PRR5: variants seen among roughly 807,000 people sequenced by gnomAD.
PRR5 encodes proline rich 5.
Under a neutral mutation model 30.6 loss-of-function variants are expected in PRR5, and 25 were observed. The ratio of observed to expected loss-of-function variants is 0.82; its 90% CI spans 0.60 to 1.14. The LOEUF (loss-of-function observed/expected upper bound fraction) is 1.14. PRR5 is among the 50% of genes most tolerant of loss of function. PRR5 has a pLI of 0.00. For missense variants in PRR5, 600 were observed against 547.1 expected, an observed-to-expected ratio of 1.10 and a Z score of -0.96; for synonymous variants, 286 against 247.1, an observed-to-expected ratio of 1.16 and a Z score of -1.48.
At chr22:44,710,026 C>T (rs1035811309) in intron 1 of PRR5, among the ~76,000 whole-genome samples, 4 of 152,182 alleles carry the variant, frequency 2.6e-5, no homozygotes, top group Non-Finnish European at 5.9e-5. Flanking sequence ...CCCTACCCGC[C>T]GCCCCTCCCA....
intron 1 of PRR5, among the ~76,000 whole-genome samples, chr22:44,703,326 C>T (rs1361547689): frequency 2.4e-5 from 3 of 125,556 alleles, no homozygotes; most frequent in South Asian, 2.4e-4. Context: ...GCAGTGGACA[C>T]TGTTCGGGGG....
chr22:44,687,242 C>T (rs1230917727), intron 1 of PRR5, among the ~76,000 whole-genome samples: 1 of 152,184 alleles, frequency 6.6e-6, no homozygotes, highest in East Asian at 1.9e-4. Flanking sequence ...TCCGGGTAAT[C>T]GGGAAACCCA....
chr22:44,681,103 G>A (rs1429767596), intron 1 of PRR5, among the ~76,000 whole-genome samples: 1 of 152,188 alleles, frequency 6.6e-6, no homozygotes, highest in Non-Finnish European at 1.5e-5. Flanking sequence ...TGCATCTGCA[G>A]AGCTGAGGTG....
At chr22:44,732,429 T>G in intron 6 of PRR5, 38 bp downstream of exon 6, 1 of 1,583,970 alleles carries the variant, frequency 6.3e-7, no homozygotes, top group South Asian at 1.1e-5. Context: ...ATGGGGACCG[T>G]GGGGCAGTAA....
chr22:44,718,029 C>G (rs573777344), intron 2 of PRR5, among the ~76,000 whole-genome samples: 1 of 152,100 alleles, frequency 6.6e-6, no homozygotes, highest in Non-Finnish European at 1.5e-5. Flanking sequence ...TGCTTCGCTT[C>G]TTTTCATGCC....
At chr22:44,728,580 T>C (rs1474624424) in intron 4 of PRR5, among the ~76,000 whole-genome samples, 1 of 152,228 alleles carries the variant, frequency 6.6e-6, no homozygotes, top group Non-Finnish European at 1.5e-5. Flanking sequence ...CAGTGGCCCT[T>C]GAGTAGGGCC....
At chr22:44,690,010 T>C (rs181307151) in intron 1 of PRR5, among the ~76,000 whole-genome samples, 168 of 152,258 alleles carry the variant, frequency 1.1e-3, no homozygotes, top group African/African-American at 3.9e-3. Context: ...AAGGTGGTTT[T>C]GTGGTCCAGA....
intron 1 of PRR5, among the ~76,000 whole-genome samples, chr22:44,684,874 C>T (rs546594227): frequency 3.1e-4 from 47 of 152,334 alleles, no homozygotes; most frequent in Non-Finnish European, 5.4e-4. Context: ...GAGGCTCAGG[C>T]GTCCTCCCTC....
rs148204606 is a variant in PRR5, at chr22:44,732,234, G to A, written c.415-17G>A. ...ATGTGACCACAGCCGGTGGGGTGGG[G>A]TGCCTTCCGTCCACAGGGCAAGGAG... On this transcript the variant is annotated splice_polypyrimidine_tract_variant and intron_variant, in intron 5 of 7. Coordinates refer to ENST00000336985, the MANE Select transcript of PRR5 (RefSeq NM_181333.4). 2,611 of 1,609,012 alleles carry A rather than the reference G, an allele frequency of 1.6e-3. 39 individuals carry two copies. The African/African-American group carries it at 0.032, about 20-fold the overall frequency.
At chr22:44,724,305 G>A (rs977254786) in intron 2 of PRR5, among the ~76,000 whole-genome samples, 6 of 152,036 alleles carry the variant, frequency 3.9e-5, no homozygotes, top group Non-Finnish European at 7.4e-5. Context: ...GCCTGGTGGC[G>A]CATGCCTGTA....
At chr22:44,723,731 A>T (rs1366503965) in intron 2 of PRR5, among the ~76,000 whole-genome samples, 1 of 152,238 alleles carries the variant, frequency 6.6e-6, no homozygotes, top group Non-Finnish European at 1.5e-5. Context: ...AAAAATAAAA[A>T]TAAAAAATAA....
At chr22:44,676,247 C>T (rs920360301), upstream of PRR5, among the ~76,000 whole-genome samples, 1 of 151,062 alleles carries the variant, frequency 6.6e-6, no homozygotes, top group Non-Finnish European at 1.5e-5. Context: ...ATGAGTCAGC[C>T]GGGCATGGTG....
At chr22:44,671,002 A>T (rs1278162679) in intron 1 of PRR5, among the ~76,000 whole-genome samples, 9 of 152,166 alleles carry the variant, frequency 5.9e-5, no homozygotes, top group Admixed American at 5.9e-4. Flanking sequence ...TCATTTACTC[A>T]TTCATGAAGA....
intron 6 of PRR5, among the ~76,000 whole-genome samples, chr22:44,732,655 C>A (rs1040409653): frequency 6.6e-6 from 1 of 152,176 alleles, no homozygotes; most frequent in African/African-American, 2.4e-5. Flanking sequence ...GGGCTGTGCC[C>A]ACCCCCAGCA....
intron 6 of PRR5, among the ~76,000 whole-genome samples, chr22:44,732,831 A>ATAG (rs1922342289): frequency 7.1e-6 from 1 of 141,594 alleles, no homozygotes. Context: ...GTGCACGCAC[A>ATAG]TACTACACAC....
chr22:44,709,326 A>G (rs1408227454), intron 1 of PRR5, among the ~76,000 whole-genome samples: 1 of 152,188 alleles, frequency 6.6e-6, no homozygotes, highest in Non-Finnish European at 1.5e-5. Context: ...TGTAATCACA[A>G]GGGTCTGTGT....
chr22:44,710,472 A>C (rs1300746353), intron 1 of PRR5, among the ~76,000 whole-genome samples: 2 of 152,028 alleles, frequency 1.3e-5, no homozygotes, highest in African/African-American at 4.8e-5. Flanking sequence ...TCAAGCCCTC[A>C]CCCAGAAGCC....
intron 6 of PRR5, among the ~76,000 whole-genome samples, chr22:44,732,849 CACG>C (rs1569111628): frequency 7.2e-6 from 1 of 138,120 alleles, no homozygotes; most frequent in African/African-American, 2.8e-5. Flanking sequence ...CACGTGCACA[CACG>C]TGCACACGCA....
At chr22:44,715,970 C>T (rs1346648690) in intron 2 of PRR5, among the ~76,000 whole-genome samples, 1 of 152,210 alleles carries the variant, frequency 6.6e-6, no homozygotes, top group Non-Finnish European at 1.5e-5. Context: ...TAAACAACAA[C>T]AAAAGGAGTT....
Sources: allele counts gnomAD v4.1 joint callset (sites outside exome capture counted in the v4.1 genomes callset), GRCh38; gene constraint gnomAD v4.1.1; transcripts MANE v1.5; gene names NCBI Gene and HGNC (gene_info 2026-07-23, HGNC 2026-07-21).